ELN: variants seen among roughly 807,000 people sequenced by gnomAD.
ELN encodes the protein elastin.
Under a neutral mutation model 105.8 loss-of-function variants are expected in ELN, and 65 were observed. That is an observed-to-expected ratio of 0.61 (90% CI 0.50 to 0.75). ELN has a LOEUF of 0.75. Ranked by LOEUF, ELN falls within the 30% of genes least tolerant of loss-of-function variation. ELN has a pLI of 0.00. For missense variants in ELN, 882 were observed against 969.4 expected (o/e 0.91, Z 1.20); for synonymous variants, 368 against 389.2 (o/e 0.95, Z 0.64).
At chr7:74,048,039 G>T (rs1424165141) in intron 13 of ELN, 103 bp from the exon 14 acceptor site, 2 of 1,403,422 alleles carry the variant, frequency 1.4e-6, no homozygotes, top group Non-Finnish European at 2.0e-6. Flanking sequence ...GGTGACAGGT[G>T]CAGACTCAGG....
intron 29 of ELN, among the ~76,000 whole-genome samples, chr7:74,064,152 C>T (rs1335266128): frequency 4.6e-5 from 7 of 151,472 alleles, no homozygotes; most frequent in East Asian, 1.9e-4. Flanking sequence ...GGCATGGTGG[C>T]TCACGCCTGT....
chr7:74,066,722 T>C lies in ELN; in HGVS notation c.2087-10T>C, dbSNP rs376854486. 1.2e-6 allele frequency: 2 copies of C among 1,613,676 alleles called. No individual in the cohort carries two copies. Among genetic ancestry groups the C allele is most frequent in the African/African-American group, 2.7e-5 (2 of 74,850 alleles). Reference sequence around the variant, plus strand: ...CCTACCAACCCACCAACCTGAAATCTCTCCTGCAGGAGTGGCAGCAAGACC... The same window carrying C: ...CCTACCAACCCACCAACCTGAAATCCCTCCTGCAGGAGTGGCAGCAAGACC... On this transcript the variant is annotated splice_polypyrimidine_tract_variant and intron_variant, in intron 31 of 32. Transcript: ENST00000252034.
intron 29 of ELN, among the ~76,000 whole-genome samples, chr7:74,064,208 GAT>G (rs1797386664): frequency 1.3e-4 from 20 of 151,360 alleles, no homozygotes; most frequent in Admixed American, 1.3e-3. Context: ...CACGAGGTCA[GAT>G]CAAGACCATC....
intron 25 of ELN, 103 bp from the exon 26 acceptor site, chr7:74,060,998 A>G (rs1796521751): frequency 4.3e-6 from 6 of 1,406,564 alleles, no homozygotes. Flanking sequence ...TGAGGAAGCA[A>G]TAGAGGCCAA....
chr7:74,059,852 C>A, intron 22 of ELN, 34 bp from the exon 23 acceptor site: 1 of 970,614 alleles, frequency 1.0e-6, no homozygotes, highest in South Asian at 1.3e-5. Context: ...TTGATCAGGT[C>A]TTGGTTAATG....
At chr7:74,068,602 G>C in intron 32 of ELN, 55 bp from the exon 33 acceptor site, 7 of 1,611,172 alleles carry the variant, frequency 4.3e-6, no homozygotes, top group African/African-American at 1.3e-5. Flanking sequence ...GCGGGGATTA[G>C]AGCCGAAACT....
intron 1 of ELN, among the ~76,000 whole-genome samples, chr7:74,033,996 T>C (rs1789314986): frequency 6.6e-6 from 1 of 152,132 alleles, no homozygotes; most frequent in South Asian, 2.1e-4. Context: ...CGTTCCCCAG[T>C]GAGAGCTTCA....
At chr7:74,044,133 C>A (rs936620122) in intron 9 of ELN, among the ~76,000 whole-genome samples, 5 of 151,906 alleles carry the variant, frequency 3.3e-5, no homozygotes. Context: ...CCCAGCTACT[C>A]GGGAGGCTGA....
rs563857924 is a variant in ELN, at chr7:74,048,503, G to C, written c.746G>C (p.Gly249Ala). Residue 249 changes from glycine to alanine, a missense_variant and splice_region_variant, in exon 15 of 33, where the codon GGG (glycine) becomes GCG (alanine). Transcript: ENST00000252034. The part of the protein sequence containing the change: ...AGKAGYPTGT[G>A]VGPQAAAAAA... ...TCTCCCCTCTGCTTCCTTCCCCCAGGGGTTGGCCCCCAGGCAGCAGCAGCA... is the reference window on the plus strand; with the variant it reads ...TCTCCCCTCTGCTTCCTTCCCCCAGCGGTTGGCCCCCAGGCAGCAGCAGCA... 2 of 1,614,002 alleles carry C rather than the reference G, an allele frequency of 1.2e-6. No individual in the cohort carries two copies. Among genetic ancestry groups the C allele is most frequent in the South Asian group, 1.1e-5 (1 of 91,092 alleles).
Position 74,051,991 on chromosome 7 carries a change from C to T in ELN, c.949+8C>T, listed in dbSNP as rs201397389. 9 of 1,612,816 alleles carry T rather than the reference C, an allele frequency of 5.6e-6. No individual in the cohort carries two copies. Among genetic ancestry groups the T allele is most frequent in the Admixed American group, 3.3e-5 (2 of 60,030 alleles). On this transcript the variant is annotated splice_region_variant and intron_variant, in intron 17 of 32. Coordinates refer to ENST00000252034, the MANE Select transcript of ELN (RefSeq NM_000501.4). ...CTAAGGCAGCCAAGTATGGTGAGTG[C>T]CTCCCGGGGTGGCAAGTCCACGGCT...
chr7:74,035,317 T>A, intron 1 of ELN, 47 bp from the exon 2 acceptor site: 1 of 1,609,696 alleles, frequency 6.2e-7, no homozygotes, highest in Non-Finnish European at 8.5e-7. Flanking sequence ...TGCACCAGCC[T>A]AATAGTTCTG....
chr7:74,046,596 G>A, intron 11 of ELN, 100 bp from the exon 12 acceptor site: 2 of 1,287,138 alleles, frequency 1.6e-6, no homozygotes, highest in South Asian at 1.2e-5. Flanking sequence ...GTTTCTGGAT[G>A]CTGTAGCAAG....
chr7:74,061,090 T>G lies in ELN; in HGVS notation c.1748-11T>G. ...GCTCCTGACCACTCCCCAACTTTTCTTTCTCCCCAGTACCTGGAGCCCTGG... is the reference window on the plus strand; with the variant it reads ...GCTCCTGACCACTCCCCAACTTTTCGTTCTCCCCAGTACCTGGAGCCCTGG... On this transcript the variant is annotated splice_polypyrimidine_tract_variant and intron_variant, in intron 25 of 32. Coordinates refer to ENST00000252034, the MANE Select transcript of ELN (RefSeq NM_000501.4). The G allele has an allele frequency of 6.2e-7, 1 of 1,614,100 alleles. No homozygotes were observed. Among genetic ancestry groups the G allele is most frequent in the Non-Finnish European group, 8.5e-7 (1 of 1,180,008 alleles).
At position 74,063,523 on chromosome 7, in the gene ELN, C is replaced by T; in HGVS notation, c.1919-98C>T. The T allele has an allele frequency of 6.2e-7, 1 of 1,609,608 alleles. No individual in the cohort carries two copies. Among genetic ancestry groups the T allele is most frequent in the Admixed American group, 1.7e-5 (1 of 59,970 alleles). ...CGAAGGCCAGGGGAGACCTCAGGCTCCACCTGTGTCCCCAGAGGACACCTC... is the reference window on the plus strand; with the variant it reads ...CGAAGGCCAGGGGAGACCTCAGGCTTCACCTGTGTCCCCAGAGGACACCTC... On this transcript the variant is annotated intron_variant, in intron 28 of 32. Coordinates refer to ENST00000252034, the MANE Select transcript of ELN (RefSeq NM_000501.4). This position sits in a 1 kb window ranked among gnomAD's most constrained non-coding sequence, Gnocchi z 4.1.
Position 74,051,876 on chromosome 7 carries a change from G to C in ELN, c.889+37G>C, listed in dbSNP as rs782141485. 1.9e-6 allele frequency: 3 copies of C among 1,614,080 alleles called. No homozygotes were observed. The Admixed American group carries it at 5.0e-5, about 27-fold the overall frequency. On this transcript the variant is annotated intron_variant, in intron 16 of 32. Coordinates refer to ENST00000252034, the MANE Select transcript of ELN (RefSeq NM_000501.4). ...CCCAGCAGGGGGCGGGTGTGTCCTT[G>C]AGATGGCCACAGGGCAAGGACCTCA...
intron 22 of ELN, among the ~76,000 whole-genome samples, chr7:74,057,926 A>G (rs1795682460): frequency 6.6e-6 from 1 of 152,058 alleles, no homozygotes; most frequent in Non-Finnish European, 1.5e-5. Flanking sequence ...CCCTGTTCCT[A>G]AAGCCCCTGG....
chr7:74,069,748 A>G lies in ELN; in HGVS notation c.*1048A>G. ...ATTGTTGTGGTTCATTGAAAAAAAA[A>G]GATAATTTTTTTTTCTGATCCGGGG... is the stretch of plus-strand genomic sequence containing the variant. On this transcript the variant is annotated 3_prime_UTR_variant, in exon 33 of 33. Transcript: ENST00000252034. 4.4e-6 allele frequency: 1 copy of G among 229,150 alleles called. No homozygotes were observed. Among genetic ancestry groups the G allele is most frequent in the East Asian group, 6.2e-5 (1 of 16,052 alleles). The allele number at this position is 229,150 out of a possible 1,614,324, so 14.2% of individuals were successfully genotyped here.
chr7:74,061,766 A>C (rs77275979), intron 26 of ELN, among the ~76,000 whole-genome samples: 1,673 of 152,156 alleles, frequency 0.011, 17 homozygotes, highest in Non-Finnish European at 0.018. Context: ...CCCTGTGACC[A>C]CCAAAAACAC....
chr7:74,054,920 C>G, intron 19 of ELN, 151 bp downstream of exon 19: 1 of 825,210 alleles, frequency 1.2e-6, no homozygotes, highest in East Asian at 2.7e-5. Flanking sequence ...ATGTCTCCCC[C>G]ATTTGTCTCC....
Sources: gnomAD v4.1 joint callset for allele counts (sites outside exome capture counted in the v4.1 genomes callset) on GRCh38, gnomAD v4.1.1 for gene constraint, Gnocchi (gnomAD v3.1) non-coding constraint, MANE v1.5 for transcripts, NCBI Gene and HGNC (gene_info 2026-07-23, HGNC 2026-07-21) for gene names.